MAPK8IP3: variants seen among roughly 807,000 people sequenced by gnomAD.
MAPK8IP3 encodes the protein mitogen-activated protein kinase 8 interacting protein 3.
MAPK8IP3 carries 49 observed loss-of-function variants against 157.8 expected under a neutral mutation model. The observed-to-expected ratio is 0.31, with a 90% CI of 0.25 to 0.39. The LOEUF is 0.39. Ranked by LOEUF, MAPK8IP3 falls within the 10% of genes least tolerant of loss-of-function variation. The pLI, the probability that MAPK8IP3 is intolerant of heterozygous loss-of-function variation, is 1.00. For missense variants in MAPK8IP3, 1,478 were observed against 1,889.4 expected, an observed-to-expected ratio of 0.78 and a Z score of 4.04; for synonymous variants, 897 against 777.7, an observed-to-expected ratio of 1.15 and a Z score of -2.55.
chr16:1,728,335 CT>C (rs1267627218), intron 2 of MAPK8IP3, among the ~76,000 whole-genome samples: 2 of 152,214 alleles, frequency 1.3e-5, no homozygotes, highest in African/African-American at 2.4e-5. Flanking sequence ...AGGGACCTCG[CT>C]GCTTGTTCTG....
chr16:1,713,850 T>G (rs540483237), intron 1 of MAPK8IP3: 1 of 152,024 alleles, frequency 6.6e-6, no homozygotes, highest in Admixed American at 6.6e-5. Context: ...ACTTAAAGAG[T>G]ACAATTTGAT....
At chr16:1,736,626 G>C (rs1204021950) in intron 4 of MAPK8IP3, among the ~76,000 whole-genome samples, 5 of 66,676 alleles carry the variant, frequency 7.5e-5, no homozygotes, top group South Asian at 7.1e-4. Flanking sequence ...GTCCGTGTGA[G>C]CGTCCGTGTG....
chr16:1,758,343 C>T (rs897911314), intron 9 of MAPK8IP3, among the ~76,000 whole-genome samples, 184 bp downstream of exon 9: 5 of 152,204 alleles, frequency 3.3e-5, no homozygotes, highest in African/African-American at 1.2e-4. Flanking sequence ...CCACCAGCCA[C>T]TTGACAATGA....
At chr16:1,758,893 G>T in intron 9 of MAPK8IP3, 85 bp from the exon 10 acceptor site, 1 of 1,462,382 alleles carries the variant, frequency 6.8e-7, no homozygotes, top group South Asian at 1.1e-5. Context: ...GTCCACACGG[G>T]CTTAACGCGC....
intron 5 of MAPK8IP3, chr16:1,745,262 C>A: frequency 2.4e-6 from 2 of 823,882 alleles, no homozygotes; most frequent in Non-Finnish European, 1.5e-6. Flanking sequence ...GGCCCAGAAG[C>A]GTTTGTCTGA....
rs1407248357 is a variant in MAPK8IP3 at position 1,713,039 on chromosome 16, AGCCG to A, written c.318+6385_318+6388del. Among the ~76,000 whole-genome samples, 40 of 152,292 alleles carry A rather than the reference AGCCG, an allele frequency of 2.6e-4. 1 individual carries two copies. The highest frequency in any genetic ancestry group is 2.6e-3 in the Admixed American group (40 of 15,296). On this transcript the variant is annotated intron_variant, in intron 1 of 31. Transcript: ENST00000610761. ...CCATCTGTGTGTGTGGATAAAGGGA[AGCCG>A]GCTTTCCTCTGTCTCTGCACACATC...
At chr16:1,759,123 C>A in intron 10 of MAPK8IP3, 128 bp downstream of exon 10, 1 of 1,265,722 alleles carries the variant, frequency 7.9e-7, no homozygotes, top group South Asian at 1.3e-5. Flanking sequence ...AGGGGGGCAG[C>A]CCTGAGTGAA....
In MAPK8IP3 at chr16:1,706,540, C is replaced by T. The variant is rs908230199; in HGVS notation, c.201C>T (p.Asp67=). The T allele has an allele frequency of 4.3e-6, 7 of 1,613,820 alleles. No homozygotes were observed. The highest frequency in any genetic ancestry group is 5.9e-6 in the Non-Finnish European group (7 of 1,179,922). ...TGGTGAACGTGCTGGAGAACCTAGA[C>T]TCGGTGCTCAGCGAGAACCAGGAGC... is the stretch of plus-strand genomic sequence containing the variant. ...PLVVNVLENL[D]SVLSENQEHE... The change falls in exon 1 of 32, where the codon GAC becomes GAT. Residue 67 remains aspartate (D), a synonymous_variant. Coordinates refer to ENST00000610761, the MANE Select transcript of MAPK8IP3 (RefSeq NM_001318852.2). This position sits in a 1 kb window ranked among gnomAD's most constrained non-coding sequence, Gnocchi z 5.1.
chr16:1,768,984 G>A lies in MAPK8IP3; in HGVS notation c.*160G>A. 1.3e-6 allele frequency: 1 copy of A among 794,328 alleles called. No individual in the cohort carries two copies. The highest frequency in any genetic ancestry group is 2.0e-6 in the Non-Finnish European group (1 of 506,144). The allele number at this position is 794,328 out of a possible 1,614,324, so 49.2% of individuals were successfully genotyped here. ...GCCCCTCCAGCGGGCAGGGAGTGCG[G>A]GGATGCGGATCAGCTGGGAGGAGGA... On this transcript the variant is annotated 3_prime_UTR_variant, in exon 32 of 32. Coordinates refer to ENST00000610761, the MANE Select transcript of MAPK8IP3 (RefSeq NM_001318852.2).
At chr16:1,759,847 TC>T in intron 10 of MAPK8IP3, 110 bp from the exon 11 acceptor site, 1 of 957,132 alleles carries the variant, frequency 1.0e-6, no homozygotes, top group East Asian at 2.4e-5. Context: ...TCGGGCGTCA[TC>T]CCCAGCCAGG....
chr16:1,727,156 G>C (rs1229898924), intron 2 of MAPK8IP3, among the ~76,000 whole-genome samples: 4 of 151,814 alleles, frequency 2.6e-5, no homozygotes, highest in African/African-American at 9.7e-5. Context: ...TGTGTGCTGT[G>C]TGGAGGGTCT....
intron 1 of MAPK8IP3, among the ~76,000 whole-genome samples, chr16:1,709,525 G>A (rs1228304361): frequency 2.6e-5 from 4 of 152,276 alleles, no homozygotes; most frequent in Non-Finnish European, 5.9e-5. Context: ...TCTCAGGGCC[G>A]CCGTGGACGG....
intron 16 of MAPK8IP3, among the ~76,000 whole-genome samples, chr16:1,763,259 G>T (rs1422001367): frequency 6.6e-6 from 1 of 152,364 alleles, no homozygotes; most frequent in East Asian, 1.9e-4. Flanking sequence ...ACAGTCAGGG[G>T]GCTGTGCTGG....
At chr16:1,764,001 C>G (rs1488350373) in intron 17 of MAPK8IP3, 114 bp from the exon 18 acceptor site, 2 of 1,158,990 alleles carry the variant, frequency 1.7e-6, no homozygotes, top group African/African-American at 1.5e-5. Flanking sequence ...CCACCTGCCT[C>G]CAGTCTTGAA....
At chr16:1,709,324 C>T (rs1015985423) in intron 1 of MAPK8IP3, among the ~76,000 whole-genome samples, 3 of 152,198 alleles carry the variant, frequency 2.0e-5, no homozygotes, top group Non-Finnish European at 4.4e-5. Flanking sequence ...CAGACCCCAG[C>T]CTGAGTGTCA....
rs1567176811 is a variant in MAPK8IP3 at position 1,742,173 on chromosome 16, C to A, written c.603-1159C>A. 6.6e-6 allele frequency among the ~76,000 whole-genome samples: 1 copy of A among 152,176 alleles called. No individual in the cohort carries two copies. The highest frequency in any genetic ancestry group is 2.4e-5 in the African/African-American group (1 of 41,438). ...CTGACCACGTGGCCTGCCCCCCAGACCTGAGGAGGTGAGGAGCCAGCCTGG... is the reference window on the plus strand; with the variant it reads ...CTGACCACGTGGCCTGCCCCCCAGAACTGAGGAGGTGAGGAGCCAGCCTGG... On this transcript the variant is annotated intron_variant, in intron 4 of 31. Coordinates refer to ENST00000610761, the MANE Select transcript of MAPK8IP3 (RefSeq NM_001318852.2). This position sits in a 1 kb window ranked among gnomAD's most constrained non-coding sequence, Gnocchi z 5.0.
At chr16:1,725,696 A>G (rs1010897059) in intron 2 of MAPK8IP3, among the ~76,000 whole-genome samples, 3 of 152,054 alleles carry the variant, frequency 2.0e-5, no homozygotes, top group Non-Finnish European at 4.4e-5. Flanking sequence ...TTCTGTAATT[A>G]GATGTTTTGT....
chr16:1,758,230 G>A (rs369476881), intron 9 of MAPK8IP3, 71 bp downstream of exon 9: 12 of 1,575,688 alleles, frequency 7.6e-6, no homozygotes, highest in South Asian at 1.1e-5. Flanking sequence ...GGGATGCCCC[G>A]AGCTATCCCG....
intron 4 of MAPK8IP3, among the ~76,000 whole-genome samples, chr16:1,737,856 A>G (rs1178683703): frequency 5.7e-5 from 4 of 70,138 alleles, no homozygotes; most frequent in African/African-American, 1.1e-4. Context: ...GTGACCATCC[A>G]TGTGAGCATC....
Sources: gnomAD v4.1 joint callset for allele counts (sites outside exome capture counted in the v4.1 genomes callset) on GRCh38, gnomAD v4.1.1 for gene constraint, Gnocchi (gnomAD v3.1) non-coding constraint, MANE v1.5 for transcripts, NCBI Gene and HGNC (gene_info 2026-07-23, HGNC 2026-07-21) for gene names.